SLC12A8: variants seen among roughly 807,000 people sequenced by gnomAD.
SLC12A8 encodes cation-chloride cotransporter 9.
SLC12A8 carries 69 observed loss-of-function variants against 75.6 expected under a neutral mutation model. That is an observed-to-expected ratio of 0.91 (90% CI 0.75 to 1.11). The LOEUF (loss-of-function observed/expected upper bound fraction) is 1.11, where lower values mean the gene tolerates loss of function less well. SLC12A8 is among the 50% of genes most tolerant of loss of function. The pLI is 0.00. For missense variants in SLC12A8, 877 were observed against 896.7 expected, an observed-to-expected ratio of 0.98 and a Z score of 0.28; for synonymous variants, 365 against 372.8, an observed-to-expected ratio of 0.98 and a Z score of 0.24.
intron 5 of SLC12A8, among the ~76,000 whole-genome samples, chr3:125,143,839 C>G (rs1933705365): frequency 6.6e-6 from 1 of 152,128 alleles, no homozygotes; most frequent in Admixed American, 6.5e-5. Context: ...CTGAAAGTGT[C>G]CCATAACAAG....
intron 6 of SLC12A8, among the ~76,000 whole-genome samples, chr3:125,132,355 T>G (rs1933380043): frequency 6.6e-6 from 1 of 152,230 alleles, no homozygotes; most frequent in African/African-American, 2.4e-5. Context: ...CAGGCTCATT[T>G]CCATGGCCGA....
At chr3:125,121,539 T>C (rs1241811049) in intron 6 of SLC12A8, among the ~76,000 whole-genome samples, 1 of 152,212 alleles carries the variant, frequency 6.6e-6, no homozygotes, top group Non-Finnish European at 1.5e-5. Flanking sequence ...CCATGATTTG[T>C]GAACACTTTC....
In SLC12A8 at chr3:125,135,691, C is replaced by A; in HGVS notation, c.714G>T (p.Gly238=). The A allele has an allele frequency of 6.2e-7, 1 of 1,607,668 alleles. No individual in the cohort carries two copies. Among genetic ancestry groups the A allele is most frequent in the African/African-American group, 1.3e-5 (1 of 74,894 alleles). The part of the protein sequence containing the change: ...SPGESFFTVF[G]VFFPAATGVM... Reference sequence around the variant, plus strand: ...TACCTGTAGCCGCTGGGAAGAAAACCCCAAAGACAGTGAAAAAAGATTCCC... The same window carrying A: ...TACCTGTAGCCGCTGGGAAGAAAACACCAAAGACAGTGAAAAAAGATTCCC... The change falls in exon 6 of 14, where the codon GGG becomes GGT. Residue 238 remains glycine, a synonymous_variant. Transcript: ENST00000469902.
chr3:125,194,383 G>C (rs1355053686), intron 2 of SLC12A8, among the ~76,000 whole-genome samples: 2 of 151,072 alleles, frequency 1.3e-5, no homozygotes, highest in African/African-American at 4.9e-5. Context: ...TTTTAGTTCA[G>C]AAGGGGAAGT....
chr3:125,212,090 AAGG>A (rs1250432375), intron 1 of SLC12A8, among the ~76,000 whole-genome samples: 7 of 151,866 alleles, frequency 4.6e-5, no homozygotes, highest in Non-Finnish European at 1.0e-4. Flanking sequence ...CCTTTGGTAG[AAGG>A]AGGAAGGGGG....
chr3:125,092,242 C>G (rs1325418971), intron 10 of SLC12A8, 44 bp from the exon 11 acceptor site: 2 of 1,427,498 alleles, frequency 1.4e-6, no homozygotes. Flanking sequence ...GCTATCAACT[C>G]TCTACTGTTT....
At chr3:125,212,087 TAGAAGGA>T (rs1935347616) in intron 1 of SLC12A8, among the ~76,000 whole-genome samples, 1 of 149,944 alleles carries the variant, frequency 6.7e-6, no homozygotes, top group African/African-American at 2.5e-5. Context: ...GACCCTTTGG[TAGAAGGA>T]GGAAGGGGGA....
chr3:125,170,548 C>T (rs1708339), intron 5 of SLC12A8, among the ~76,000 whole-genome samples: 136,940 of 152,248 alleles, frequency 0.9, 62,047 homozygotes, highest in Admixed American at 0.95. Context: ...AATTTAATTA[C>T]ACTTTTACAA....
At chr3:125,163,910 C>T (rs1447452153) in intron 5 of SLC12A8, among the ~76,000 whole-genome samples, 1 of 152,208 alleles carries the variant, frequency 6.6e-6, no homozygotes, top group East Asian at 1.9e-4. Flanking sequence ...GCTGGGAGCG[C>T]CCCTGCCTGG....
At chr3:125,184,681 C>G (rs1186977231) in intron 4 of SLC12A8, among the ~76,000 whole-genome samples, 3 of 151,612 alleles carry the variant, frequency 2.0e-5, no homozygotes, top group Non-Finnish European at 4.4e-5. Context: ...CCCAACCGCA[C>G]CCTAGAGGAA....
chr3:125,110,397 C>CA, intron 8 of SLC12A8, 62 bp from the exon 9 acceptor site: 1 of 1,540,798 alleles, frequency 6.5e-7, no homozygotes, highest in Non-Finnish European at 8.8e-7. Flanking sequence ...TTCTACCCCC[C>CA]CAGCACCCAC....
chr3:125,207,710 G>T (rs530472427), intron 2 of SLC12A8, among the ~76,000 whole-genome samples: 2 of 152,116 alleles, frequency 1.3e-5, no homozygotes, highest in Non-Finnish European at 2.9e-5. Flanking sequence ...CACCCAGATC[G>T]TCACAGTCCT....
chr3:125,146,074 C>T (rs1295337404), intron 5 of SLC12A8, among the ~76,000 whole-genome samples: 1 of 152,244 alleles, frequency 6.6e-6, no homozygotes, highest in East Asian at 1.9e-4. Context: ...AAGCAATTCT[C>T]CCACCTCAGC....
chr3:125,087,177 C>T lies in SLC12A8; in HGVS notation c.1982+1133G>A, dbSNP rs563235267. On this transcript the variant is annotated intron_variant, in intron 13 of 13. Coordinates refer to ENST00000469902, the MANE Select transcript of SLC12A8 (RefSeq NM_024628.6). ...TGGCACGATCCCGGCTCACAGTAACCTCTGCCTCTCGGGTTCAAGCGATTC... is the reference window on the plus strand; with the variant it reads ...TGGCACGATCCCGGCTCACAGTAACTTCTGCCTCTCGGGTTCAAGCGATTC... Among the ~76,000 whole-genome samples the T allele has an allele frequency of 4.6e-5, 7 of 151,274 alleles. No individual in the cohort carries two copies. The South Asian group carries it at 1.5e-3, about 32-fold the overall frequency.
At chr3:125,104,269 C>G (rs1320495609) in intron 10 of SLC12A8, among the ~76,000 whole-genome samples, 1 of 151,986 alleles carries the variant, frequency 6.6e-6, no homozygotes, top group Non-Finnish European at 1.5e-5. Flanking sequence ...CTATGCCCAG[C>G]TAACTTCCTT....
At chr3:125,109,633 T>C (rs1939134192) in intron 9 of SLC12A8, among the ~76,000 whole-genome samples, 1 of 152,202 alleles carries the variant, frequency 6.6e-6, no homozygotes, top group African/African-American at 2.4e-5. Context: ...ACTTTAGGAA[T>C]GTCTATTTTA....
chr3:125,158,140 A>G (rs1008774823), intron 5 of SLC12A8, among the ~76,000 whole-genome samples: 1 of 152,164 alleles, frequency 6.6e-6, no homozygotes, highest in African/African-American at 2.4e-5. Flanking sequence ...TCTTGTTTCA[A>G]TCTAAGGTTT....
At position 125,107,561 on chromosome 3, in the gene SLC12A8, C is replaced by T; in HGVS notation, c.1625G>A (p.Ser542Asn). The change falls in exon 10 of 14, where the codon AGC (serine) becomes AAC (asparagine). Residue 542 changes from serine to asparagine, a missense_variant. Ser to Asn is a conservative substitution (Grantham distance 46). Transcript: ENST00000469902. Reference protein sequence around the residue: ...ESCWNKQTSKSEGTQPEGTYG... With the variant: ...ESCWNKQTSKNEGTQPEGTYG... ...TGTTCCCTCAGGCTGAGTCCCTTCG[C>T]TCTTGGAAGTCTGCTTGTTCCAGCA... The T allele has an allele frequency of 1.9e-6, 3 of 1,614,200 alleles. No individual in the cohort carries two copies. Among genetic ancestry groups the T allele is most frequent in the Non-Finnish European group, 2.5e-6 (3 of 1,180,032 alleles).
At chr3:125,128,404 T>A (rs1460800920) in intron 6 of SLC12A8, among the ~76,000 whole-genome samples, 9 of 144,284 alleles carry the variant, frequency 6.2e-5, no homozygotes, top group Non-Finnish European at 1.1e-4. Context: ...ATGGTCTCGA[T>A]CTCCTGACCT....
Sources: gnomAD v4.1 joint callset for allele counts (sites outside exome capture counted in the v4.1 genomes callset) on GRCh38, gnomAD v4.1.1 for gene constraint, MANE v1.5 for transcripts, NCBI Gene and HGNC (gene_info 2026-07-23, HGNC 2026-07-21) for gene names.